Variants in ARL15 observed in about 807,000 individuals in gnomAD.
The protein encoded by ARL15 is ADP-ribosylation factor-like protein 15.
Under a neutral mutation model 25.2 loss-of-function variants are expected in ARL15, and 19 were observed. The ratio of observed to expected loss-of-function variants is 0.75; its 90% CI spans 0.53 to 1.10. The LOEUF (loss-of-function observed/expected upper bound fraction) is 1.10. Ranked by LOEUF, ARL15 falls within the 50% of genes least tolerant of loss-of-function variation. The pLI is 0.00. For missense variants in ARL15, 220 were observed against 246.0 expected (o/e 0.89, Z 0.71); for synonymous variants, 94 against 86.8 (o/e 1.08, Z -0.46).
At chr5:54,258,662 T>C (rs1345393513) in intron 1 of ARL15, among the ~76,000 whole-genome samples, 2 of 152,168 alleles carry the variant, frequency 1.3e-5, no homozygotes, top group African/African-American at 2.4e-5. Flanking sequence ...AAGTCCCCAA[T>C]GCAGCTCAAC....
intron 1 of ARL15, among the ~76,000 whole-genome samples, chr5:54,239,920 G>C (rs969221389): frequency 1.3e-5 from 2 of 152,184 alleles, no homozygotes; most frequent in African/African-American, 4.8e-5. Context: ...TCACTGGAGA[G>C]TAGAACTTAA....
chr5:53,934,797 A>G (rs990320973), intron 4 of ARL15, among the ~76,000 whole-genome samples: 5 of 152,248 alleles, frequency 3.3e-5, no homozygotes, highest in Non-Finnish European at 7.3e-5. Flanking sequence ...CTTCAAAGCA[A>G]AATTCTTTCA....
At chr5:53,922,754 A>G (rs566955506) in intron 4 of ARL15, among the ~76,000 whole-genome samples, 3 of 152,326 alleles carry the variant, frequency 2.0e-5, no homozygotes, top group East Asian at 3.9e-4. Flanking sequence ...CTTGTGAACA[A>G]CAGCTCCATA....
At chr5:53,939,709 TGG>T (rs1746472063) in intron 4 of ARL15, among the ~76,000 whole-genome samples, 1 of 151,202 alleles carries the variant, frequency 6.6e-6, no homozygotes. Flanking sequence ...CACTCCAGCC[TGG>T]AGATAAAGCG....
At chr5:53,917,337 C>T (rs1745683858) in intron 4 of ARL15, among the ~76,000 whole-genome samples, 1 of 152,192 alleles carries the variant, frequency 6.6e-6, no homozygotes, top group East Asian at 1.9e-4. Flanking sequence ...AGAATTACTC[C>T]ATTGGCTCAA....
intron 4 of ARL15, among the ~76,000 whole-genome samples, chr5:54,037,556 C>T (rs1750210671): frequency 6.6e-6 from 1 of 152,074 alleles, no homozygotes; most frequent in African/African-American, 2.4e-5. Context: ...CTAATGCCTC[C>T]ACCCTAATTA....
chr5:54,047,360 T>C (rs1750553503), intron 4 of ARL15, among the ~76,000 whole-genome samples: 1 of 152,192 alleles, frequency 6.6e-6, no homozygotes, highest in African/African-American at 2.4e-5. Flanking sequence ...AGCTTGGTCA[T>C]GCTACTCTCT....
chr5:53,983,761 C>T (rs957925645), intron 4 of ARL15, among the ~76,000 whole-genome samples: 20 of 152,162 alleles, frequency 1.3e-4, no homozygotes, highest in Non-Finnish European at 2.6e-4. Context: ...AGAAAATAGA[C>T]GGAAGAAACC....
intron 4 of ARL15, among the ~76,000 whole-genome samples, chr5:54,072,263 C>G (rs1460308561): frequency 6.6e-6 from 1 of 152,214 alleles, no homozygotes; most frequent in Non-Finnish European, 1.5e-5. Flanking sequence ...TCCCAGTTCT[C>G]TCCACACACG....
At chr5:53,928,400 C>A (rs1045569665) in intron 4 of ARL15, among the ~76,000 whole-genome samples, 1 of 152,194 alleles carries the variant, frequency 6.6e-6, no homozygotes, top group African/African-American at 2.4e-5. Context: ...TCAGATCTTT[C>A]TTTTTACTTC....
chr5:54,108,909 C>T (rs1340470211), intron 4 of ARL15, among the ~76,000 whole-genome samples: 1 of 151,864 alleles, frequency 6.6e-6, no homozygotes, highest in Non-Finnish European at 1.5e-5. Context: ...ATAAACTCTT[C>T]ATGCACAGAG....
intron 4 of ARL15, among the ~76,000 whole-genome samples, chr5:54,098,811 A>T (rs1752358289): frequency 6.6e-6 from 1 of 152,210 alleles, no homozygotes. Context: ...TTTCCCCCAA[A>T]GAAAACCCAT....
chr5:54,066,933 C>T (rs1257659767), intron 4 of ARL15, among the ~76,000 whole-genome samples: 2 of 152,146 alleles, frequency 1.3e-5, no homozygotes, highest in African/African-American at 4.8e-5. Flanking sequence ...CTGGGTAATA[C>T]AAGAGGGTCC....
chr5:54,165,707 T>C (rs1339056003), intron 2 of ARL15, among the ~76,000 whole-genome samples: 4 of 149,342 alleles, frequency 2.7e-5, no homozygotes, highest in Non-Finnish European at 4.4e-5. Flanking sequence ...TATGTATAGG[T>C]GCATGTATGG....
intron 2 of ARL15, among the ~76,000 whole-genome samples, chr5:54,167,806 G>T (rs147257413): frequency 1.9e-3 from 289 of 152,220 alleles, no homozygotes; most frequent in African/African-American, 6.6e-3. Flanking sequence ...GAGTGAAAAC[G>T]ATGGTCTACC....
intron 4 of ARL15, among the ~76,000 whole-genome samples, chr5:53,988,081 C>T (rs533794507): frequency 4.0e-5 from 6 of 151,628 alleles, no homozygotes; most frequent in East Asian, 1.9e-4. Context: ...CCAGCCTGGG[C>T]GACAGAGTGA....
In ARL15 at chr5:54,242,169, GCA is replaced by G. The variant is rs142704353; in HGVS notation, c.48+68261_48+68262del. On this transcript the variant is annotated intron_variant, in intron 1 of 4. Coordinates refer to ENST00000504924, the MANE Select transcript of ARL15 (RefSeq NM_019087.3). ...TTTTAACCTGTACACGTACACACAC[GCA>G]CACACACACACACACAATTAAGTTA... Among the ~76,000 whole-genome samples, 1,390 of 149,156 alleles carry G rather than the reference GCA, an allele frequency of 9.3e-3. 24 individuals are homozygous for G. Among genetic ancestry groups the G allele is most frequent in the African/African-American group, 0.03 (1,224 of 40,734 alleles).
intron 4 of ARL15, among the ~76,000 whole-genome samples, chr5:54,056,681 C>A (rs539078294): frequency 1.4e-5 from 2 of 147,590 alleles, no homozygotes; most frequent in African/African-American, 5.0e-5. Flanking sequence ...AATAAAGAAA[C>A]TGACACCTCG....
chr5:54,279,159 T>C (rs1757992432), intron 1 of ARL15, among the ~76,000 whole-genome samples: 1 of 152,222 alleles, frequency 6.6e-6, no homozygotes, highest in African/African-American at 2.4e-5. Context: ...CTACTTTTTG[T>C]TTTACTCATA....
Sources: allele counts gnomAD v4.1 joint callset (sites outside exome capture counted in the v4.1 genomes callset), GRCh38; gene constraint gnomAD v4.1.1; transcripts MANE v1.5; gene names NCBI Gene and HGNC (gene_info 2026-07-23, HGNC 2026-07-21).